Variants in SGCZ observed in about 807,000 individuals in gnomAD.
The protein encoded by SGCZ is zeta-sarcoglycan.
In SGCZ, 40 loss-of-function variants were observed where a neutral mutation model predicts 41.3. That is an observed-to-expected ratio of 0.97 (90% CI 0.75 to 1.26). The LOEUF (loss-of-function observed/expected upper bound fraction) is 1.26, where lower values mean the gene tolerates loss of function less well. Among genes scored for constraint, SGCZ ranks in the 50% most tolerant of loss-of-function variants. SGCZ has a pLI of 0.00. For missense variants in SGCZ, 552 were observed against 369.8 expected, an observed-to-expected ratio of 1.49 and a Z score of -4.04; for synonymous variants, 206 against 137.5, an observed-to-expected ratio of 1.50 and a Z score of -3.49.
intron 1 of SGCZ, among the ~76,000 whole-genome samples, chr8:14,641,202 C>T (rs77578598): frequency 0.11 from 16,333 of 151,656 alleles, 1,069 homozygotes; most frequent in African/African-American, 0.19. Flanking sequence ...TCTGTCACTA[C>T]GTTTTCGCTC....
intron 4 of SGCZ, among the ~76,000 whole-genome samples, chr8:14,193,240 G>A (rs1805161221): frequency 6.6e-6 from 1 of 151,762 alleles, no homozygotes; most frequent in Admixed American, 6.6e-5. Context: ...CCACTACATG[G>A]AATAATTTTG....
At chr8:14,208,091 T>C (rs1361991745) in intron 4 of SGCZ, among the ~76,000 whole-genome samples, 3 of 152,214 alleles carry the variant, frequency 2.0e-5, no homozygotes, top group Non-Finnish European at 4.4e-5. Flanking sequence ...TAAATGCCTA[T>C]ACTCAATGTA....
chr8:14,417,383 A>G (rs552224206), intron 2 of SGCZ, among the ~76,000 whole-genome samples: 2 of 151,968 alleles, frequency 1.3e-5, no homozygotes, highest in South Asian at 4.1e-4. Context: ...AAATAGACTT[A>G]TAATTCAATT....
intron 1 of SGCZ, among the ~76,000 whole-genome samples, chr8:14,943,065 T>C (rs1482796211): frequency 6.6e-6 from 1 of 152,212 alleles, no homozygotes; most frequent in Non-Finnish European, 1.5e-5. Context: ...AGAATTGTCA[T>C]AATGCAGTCA....
intron 1 of SGCZ, among the ~76,000 whole-genome samples, chr8:15,087,658 A>T (rs1805999971): frequency 6.6e-6 from 1 of 152,196 alleles, no homozygotes; most frequent in Non-Finnish European, 1.5e-5. Flanking sequence ...AATAAGATTG[A>T]TTTTGTTTTC....
At chr8:15,024,827 TAAG>T (rs761326991) in intron 1 of SGCZ, among the ~76,000 whole-genome samples, 1 of 151,968 alleles carries the variant, frequency 6.6e-6, no homozygotes, top group Non-Finnish European at 1.5e-5. Flanking sequence ...TCCCAGCTAC[TAAG>T]GAGGCTGAGG....
At chr8:14,424,612 A>G (rs1181193008) in intron 2 of SGCZ, among the ~76,000 whole-genome samples, 2 of 141,184 alleles carry the variant, frequency 1.4e-5, no homozygotes, top group African/African-American at 5.7e-5. Context: ...TTTACTTAAC[A>G]GCTTTTGTTG....
chr8:14,090,398 G>T lies in SGCZ; in HGVS notation c.*45C>A. On this transcript the variant is annotated 3_prime_UTR_variant, in exon 8 of 8. Coordinates refer to ENST00000382080, the MANE Select transcript of SGCZ (RefSeq NM_139167.4). The stretch of plus-strand genomic sequence containing the variant: ...ACCGAGCAGAACTGTGAAGCAGACG[G>T]ACAGGAACAAAAGGCTATTCTGGTG... 6.3e-7 allele frequency: 1 copy of T among 1,579,500 alleles called. No homozygotes were observed. Among genetic ancestry groups the T allele is most frequent in the Non-Finnish European group, 8.6e-7 (1 of 1,161,256 alleles).
chr8:14,368,980 G>A (rs1215573680), intron 2 of SGCZ, among the ~76,000 whole-genome samples: 1 of 151,524 alleles, frequency 6.6e-6, no homozygotes, highest in Non-Finnish European at 1.5e-5. Context: ...AGGTACATCT[G>A]TCCTGGATTG....
intron 3 of SGCZ, among the ~76,000 whole-genome samples, chr8:14,251,720 G>A (rs1187676599): frequency 1.3e-5 from 2 of 151,986 alleles, no homozygotes; most frequent in Admixed American, 6.6e-5. Flanking sequence ...TTTTATATAA[G>A]AATTCATAAA....
chr8:14,370,827 G>T (rs564413784), intron 2 of SGCZ, among the ~76,000 whole-genome samples: 3 of 151,676 alleles, frequency 2.0e-5, no homozygotes, highest in African/African-American at 7.3e-5. Context: ...ATAGTTTTTG[G>T]TAAAAATTTA....
rs1263628963 is a variant in SGCZ, at chr8:14,237,626, A to G, written c.390T>C (p.Asn130=). The change falls in exon 4 of 8, where the codon AAT becomes AAC. Residue 130 remains asparagine, a synonymous_variant. Coordinates refer to ENST00000382080, the MANE Select transcript of SGCZ (RefSeq NM_139167.4). ...SDRNVTVNAR[N]HMGQLTGQLT... ...GCTGTCCGGTTAACTGCCCCATGTG[A>G]TTTCTTGCATTCACTGTGACATTCC... 1 of 1,613,960 alleles carries G rather than the reference A, an allele frequency of 6.2e-7. No individual in the cohort carries two copies. The highest frequency in any genetic ancestry group is 1.7e-5 in the Admixed American group (1 of 60,014).
chr8:14,734,710 C>G (rs1585218634), intron 1 of SGCZ, among the ~76,000 whole-genome samples: 1 of 152,050 alleles, frequency 6.6e-6, no homozygotes, highest in East Asian at 1.9e-4. Flanking sequence ...ATTAAGTGCT[C>G]TTGATTGCAT....
At chr8:15,039,233 T>C (rs535754569) in intron 1 of SGCZ, among the ~76,000 whole-genome samples, 1 of 152,212 alleles carries the variant, frequency 6.6e-6, no homozygotes, top group South Asian at 2.1e-4. Context: ...GCCCAAAGTG[T>C]CAATTGATGG....
At chr8:14,795,157 T>G (rs912259165) in intron 1 of SGCZ, among the ~76,000 whole-genome samples, 2 of 152,210 alleles carry the variant, frequency 1.3e-5, no homozygotes, top group African/African-American at 4.8e-5. Flanking sequence ...GATTGAATGG[T>G]TAATTAAAAT....
intron 1 of SGCZ, among the ~76,000 whole-genome samples, chr8:15,155,061 G>A (rs1412045364): frequency 6.6e-6 from 1 of 152,170 alleles, no homozygotes; most frequent in Non-Finnish European, 1.5e-5. Context: ...GGAGGCCAAG[G>A]AAAGTGGATA....
intron 5 of SGCZ, among the ~76,000 whole-genome samples, chr8:14,128,372 C>A (rs970431622): frequency 6.6e-6 from 1 of 152,082 alleles, no homozygotes; most frequent in South Asian, 2.1e-4. Flanking sequence ...TTACACCGTT[C>A]GGAACAGCTA....
intron 1 of SGCZ, among the ~76,000 whole-genome samples, chr8:14,823,665 T>C (rs1236545001): frequency 1.3e-5 from 2 of 152,186 alleles, no homozygotes; most frequent in South Asian, 2.1e-4. Context: ...GAAAACAGTA[T>C]AGGAGTTCTT....
intron 1 of SGCZ, among the ~76,000 whole-genome samples, chr8:14,766,238 G>C (rs923706316): frequency 6.6e-6 from 1 of 152,102 alleles, no homozygotes; most frequent in African/African-American, 2.4e-5. Flanking sequence ...GTGATTACAG[G>C]CATGAGGCAT....
Sources: allele counts gnomAD v4.1 joint callset (sites outside exome capture counted in the v4.1 genomes callset), GRCh38; gene constraint gnomAD v4.1.1; transcripts MANE v1.5; gene names NCBI Gene and HGNC (gene_info 2026-07-23, HGNC 2026-07-21).